Variants in MSI2 observed in about 807,000 individuals in gnomAD.
The protein encoded by MSI2 is RNA-binding protein Musashi homolog 2.
MSI2 carries 17 observed loss-of-function variants against 45.6 expected under a neutral mutation model. The observed-to-expected ratio is 0.37, with a 90% CI of 0.26 to 0.56. The LOEUF (loss-of-function observed/expected upper bound fraction) is 0.56, where lower values mean the gene tolerates loss of function less well. MSI2 is among the 20% of genes least tolerant of loss of function. The pLI is 0.77. For missense variants in MSI2, 293 were observed against 444.2 expected, an observed-to-expected ratio of 0.66 and a Z score of 3.06; for synonymous variants, 156 against 158.2, an observed-to-expected ratio of 0.99 and a Z score of 0.11.
At chr17:57,262,395 C>T (rs1567723403) in intron 5 of MSI2, 1 of 492,948 alleles carries the variant, frequency 2.0e-6, no homozygotes, top group East Asian at 3.1e-5. Context: ...TGAACATCCA[C>T]CTGGGGGCAG....
At chr17:57,528,579 A>G (rs1380246347) in intron 6 of MSI2, among the ~76,000 whole-genome samples, 3 of 152,170 alleles carry the variant, frequency 2.0e-5, no homozygotes, top group Non-Finnish European at 4.4e-5. Flanking sequence ...AACAACAGAA[A>G]TGTATTTTCT....
At chr17:57,550,991 A>C (rs545754145) in intron 7 of MSI2, among the ~76,000 whole-genome samples, 11 of 152,230 alleles carry the variant, frequency 7.2e-5, no homozygotes, top group African/African-American at 2.4e-4. Flanking sequence ...TGCTCTCTGG[A>C]GATGTAATTT....
chr17:57,678,951 C>T (rs1301932078), intron 13 of MSI2, among the ~76,000 whole-genome samples: 1 of 152,256 alleles, frequency 6.6e-6, no homozygotes, highest in Non-Finnish European at 1.5e-5. Context: ...TTCAGGGAGA[C>T]TCAGTAAACA....
chr17:57,659,067 G>A (rs1190808706), intron 11 of MSI2, among the ~76,000 whole-genome samples: 1 of 151,660 alleles, frequency 6.6e-6, no homozygotes, highest in East Asian at 1.9e-4. Context: ...TTGGTTGGTT[G>A]GTTGGTTGGT....
At chr17:57,351,161 C>T (rs1020349494) in intron 5 of MSI2, among the ~76,000 whole-genome samples, 1 of 152,032 alleles carries the variant, frequency 6.6e-6, no homozygotes, top group Non-Finnish European at 1.5e-5. Flanking sequence ...CAACCGGAAA[C>T]CAGGAGACCA....
intron 7 of MSI2, among the ~76,000 whole-genome samples, chr17:57,576,598 A>G (rs1386408819): frequency 6.6e-6 from 1 of 152,102 alleles, no homozygotes; most frequent in African/African-American, 2.4e-5. Context: ...TCTACTAAAA[A>G]TACAAACATT....
At chr17:57,333,242 G>A (rs1304180061) in intron 5 of MSI2, among the ~76,000 whole-genome samples, 1 of 152,126 alleles carries the variant, frequency 6.6e-6, no homozygotes, top group African/African-American at 2.4e-5. Context: ...CCCTGGGAAA[G>A]GTGTCTAGAA....
At chr17:57,502,299 C>T (rs1013622503) in intron 6 of MSI2, among the ~76,000 whole-genome samples, 2 of 152,016 alleles carry the variant, frequency 1.3e-5, no homozygotes, top group African/African-American at 4.8e-5. Flanking sequence ...TGACGTGGTA[C>T]AGAGTTTAAG....
intron 6 of MSI2, among the ~76,000 whole-genome samples, chr17:57,481,806 A>T (rs1598318233): frequency 6.6e-6 from 1 of 152,250 alleles, no homozygotes; most frequent in Non-Finnish European, 1.5e-5. Flanking sequence ...GCTTGAGTAC[A>T]GGGTGGTATA....
Position 57,671,185 on chromosome 17 carries a change from C to A in MSI2, c.791-3787C>A, listed in dbSNP as rs915861169. ...ATGAACCTGATCACCGCAATGAGCC[C>A]CCAAACTGCCATCCTAGAGCAGGGC... On this transcript the variant is annotated intron_variant, in intron 11 of 13. Transcript: ENST00000284073. Among the ~76,000 whole-genome samples, 3 of 152,138 alleles carry A rather than the reference C, an allele frequency of 2.0e-5. No individual in the cohort carries two copies. The East Asian group carries it at 5.8e-4, about 29-fold the overall frequency.
intron 13 of MSI2, among the ~76,000 whole-genome samples, chr17:57,678,210 G>T (rs890886023): frequency 2.0e-5 from 3 of 152,182 alleles, no homozygotes; most frequent in Non-Finnish European, 4.4e-5. Context: ...AAATCTCTTG[G>T]ATTTCTCTAA....
chr17:57,319,076 T>C (rs1035653287), intron 5 of MSI2, among the ~76,000 whole-genome samples: 1 of 152,192 alleles, frequency 6.6e-6, no homozygotes, highest in Non-Finnish European at 1.5e-5. Flanking sequence ...CTTGCTCTCT[T>C]CTGAGCTGGT....
chr17:57,684,841 C>T (rs1032218087), downstream of MSI2, among the ~76,000 whole-genome samples: 2 of 152,122 alleles, frequency 1.3e-5, no homozygotes. Flanking sequence ...CGAAGAAGTC[C>T]CTGCCTTGTC....
At chr17:57,315,513 C>T (rs1357300454) in intron 5 of MSI2, among the ~76,000 whole-genome samples, 1 of 152,078 alleles carries the variant, frequency 6.6e-6, no homozygotes, top group Non-Finnish European at 1.5e-5. Flanking sequence ...GGAAATGGTA[C>T]ATTCTTATTT....
chr17:57,701,384 T>C, the MSI2 span, among the ~76,000 whole-genome samples: 2 of 152,154 alleles, frequency 1.3e-5, no homozygotes, highest in Non-Finnish European at 2.9e-5. Flanking sequence ...GGAGCCCTCA[T>C]GAATAGGAAG....
rs552099042 is a variant in MSI2, at chr17:57,362,261, G to A, written c.313-39118G>A. Among the ~76,000 whole-genome samples, 34 of 152,310 alleles carry A rather than the reference G, an allele frequency of 2.2e-4. No homozygotes were observed. The South Asian group carries it at 3.3e-3, about 15-fold the overall frequency. On this transcript the variant is annotated intron_variant, in intron 5 of 13. Coordinates refer to ENST00000284073, the MANE Select transcript of MSI2 (RefSeq NM_138962.4). ...CTGGGCTCAGACATTTAAATTAAAC[G>A]TATATTTCTATTTGCACTTCCATTT...
chr17:57,328,014 A>G (rs1396038854), intron 5 of MSI2, among the ~76,000 whole-genome samples: 1 of 152,140 alleles, frequency 6.6e-6, no homozygotes, highest in African/African-American at 2.4e-5. Context: ...CAAAGGCACT[A>G]CTGTTGGGGG....
intron 5 of MSI2, among the ~76,000 whole-genome samples, chr17:57,369,547 A>G (rs938989363): frequency 9.2e-5 from 14 of 152,214 alleles, no homozygotes; most frequent in African/African-American, 3.1e-4. Flanking sequence ...AAAGTATTCC[A>G]TGGGGCACAC....
At chr17:57,262,051 T>G in intron 4 of MSI2, 100 bp from the exon 5 acceptor site, 2 of 1,316,998 alleles carry the variant, frequency 1.5e-6, no homozygotes, top group South Asian at 2.5e-5. Context: ...AAAGCTGGAT[T>G]ATAAGCCTGA....
Sources: gnomAD v4.1 joint callset for allele counts (sites outside exome capture counted in the v4.1 genomes callset) on GRCh38, gnomAD v4.1.1 for gene constraint, MANE v1.5 for transcripts, NCBI Gene and HGNC (gene_info 2026-07-23, HGNC 2026-07-21) for gene names.